Variants in ELP2 observed in about 807,000 individuals in gnomAD.
ELP2 encodes elongator acetyltransferase complex subunit 2.
ELP2 carries 90 observed loss-of-function variants against 119.2 expected under a neutral mutation model. The observed-to-expected ratio is 0.75, with a 90% CI of 0.64 to 0.90. The LOEUF (loss-of-function observed/expected upper bound fraction) is 0.90. Among genes scored for constraint, ELP2 ranks in the 40% least tolerant of loss-of-function variants. The pLI, the probability that ELP2 is intolerant of heterozygous loss-of-function variation, is 0.00. For synonymous variants in ELP2, 339 were observed against 331.0 expected (o/e 1.02, Z -0.26); for missense variants, 921 against 967.8 (o/e 0.95, Z 0.64).
At chr18:36,163,347 A>C (rs886472373) in intron 17 of ELP2, among the ~76,000 whole-genome samples, 1 of 150,888 alleles carries the variant, frequency 6.6e-6, no homozygotes, top group Non-Finnish European at 1.5e-5. Context: ...GACACTGAAC[A>C]GTTTTTTATA....
At chr18:36,149,784 C>T (rs923272910) in intron 11 of ELP2, among the ~76,000 whole-genome samples, 1 of 152,020 alleles carries the variant, frequency 6.6e-6, no homozygotes, top group Non-Finnish European at 1.5e-5. Context: ...TGTGAGTACA[C>T]ACTCATGAAG....
At chr18:36,155,410 A>G (rs571477322) in intron 12 of ELP2, among the ~76,000 whole-genome samples, 3 of 152,304 alleles carry the variant, frequency 2.0e-5, no homozygotes, top group African/African-American at 4.8e-5. Flanking sequence ...GAAAATGCAA[A>G]TTAGAACCAT....
At chr18:36,158,020 C>G (rs1162049515) in intron 13 of ELP2, among the ~76,000 whole-genome samples, 1 of 152,156 alleles carries the variant, frequency 6.6e-6, no homozygotes, top group Non-Finnish European at 1.5e-5. Flanking sequence ...TTGGGTTTTG[C>G]TCCCATACTA....
intron 4 of ELP2, 95 bp from the exon 5 acceptor site, chr18:36,138,700 C>T (rs913269199): frequency 1.0e-4 from 113 of 1,085,616 alleles, no homozygotes; most frequent in Non-Finnish European, 4.0e-5. Context: ...CATCTCCCTT[C>T]TGCTACCTGG....
chr18:36,164,552 C>T lies in ELP2; in HGVS notation c.1839C>T (p.His613=), dbSNP rs752771696. ...SWKQVQNLVF[H]SLTVTQMAFS... is the part of the protein sequence containing the mutation. ...AACAGGTGCAGAATTTAGTTTTCCA[C>T]AGTTTGACAGTCACGCAGATGGCCT... The change falls in exon 18 of 22, where the codon CAC becomes CAT. Residue 613 remains histidine, a synonymous_variant. Coordinates refer to ENST00000358232, the MANE Select transcript of ELP2 (RefSeq NM_018255.4). 6.2e-7 allele frequency: 1 copy of T among 1,614,076 alleles called. No individual in the cohort carries two copies. The highest frequency in any genetic ancestry group is 1.7e-5 in the Admixed American group (1 of 60,014).
At chr18:36,132,522 CAGAT>C (rs1412676298) in intron 1 of ELP2, among the ~76,000 whole-genome samples, 2 of 152,140 alleles carry the variant, frequency 1.3e-5, no homozygotes, top group Non-Finnish European at 2.9e-5. Context: ...CCGTTGACAA[CAGAT>C]AGAGAAAGGG....
At chr18:36,142,151 T>G in intron 6 of ELP2, 130 bp from the exon 7 acceptor site, 1 of 778,530 alleles carries the variant, frequency 1.3e-6, no homozygotes, top group South Asian at 1.4e-5. Context: ...GAATGCTTTT[T>G]CTTGTCTAAT....
In ELP2 at chr18:36,130,032, C is replaced by T. The variant is rs756911569; in HGVS notation, c.99C>T (p.Ala33=). 3.7e-6 allele frequency: 6 copies of T among 1,614,056 alleles called. No homozygotes were observed. Among genetic ancestry groups the T allele is most frequent in the African/African-American group, 1.3e-5 (1 of 74,922 alleles). ...GCTCTGGGCCCAGAGGACTTCTGGC[C>T]TTTGGCACGTCCTGCTCCGTGGTGC... ...NWSSGPRGLL[A]FGTSCSVVLY... Residue 33 remains alanine (A), a synonymous_variant, in exon 1 of 22, where the codon GCC becomes GCT. Transcript: ENST00000358232.
chr18:36,180,478 C>G lies in ELP2; in HGVS notation c.*5837C>G. 6.6e-6 allele frequency: 1 copy of G among 152,216 alleles called. No individual in the cohort carries two copies. The highest frequency in any genetic ancestry group is 3.4e-3 in the Middle Eastern group (1 of 294). 9.4% of individuals were successfully genotyped at this position (152,216 alleles called of 1,614,324 possible). A position where few individuals can be genotyped will look rare whatever the true frequency, so the allele number is the denominator to read the frequency against. On this transcript the variant is annotated 3_prime_UTR_variant, in exon 22 of 22. Transcript: ENST00000358232. ...AATATATGAAAAACACTAGTTTGGT[C>G]CCTGGGATATAAATAAGACAGCAGT... is the stretch of plus-strand genomic sequence containing the variant.
At chr18:36,138,919 A>C in intron 5 of ELP2, 47 bp downstream of exon 5, 6 of 1,371,392 alleles carry the variant, frequency 4.4e-6, no homozygotes, top group Non-Finnish European at 6.2e-6. Context: ...ATATTTGCAT[A>C]CTGTCATATG....
intron 11 of ELP2, among the ~76,000 whole-genome samples, chr18:36,150,064 C>T (rs1567996809): frequency 6.6e-6 from 1 of 152,124 alleles, no homozygotes; most frequent in South Asian, 2.1e-4. Context: ...ACTACACAGT[C>T]AGTTTCAGTT....
At chr18:36,135,523 T>C (rs1188887157) in intron 2 of ELP2, among the ~76,000 whole-genome samples, 1 of 152,224 alleles carries the variant, frequency 6.6e-6, no homozygotes, top group East Asian at 1.9e-4. Flanking sequence ...GTCCAGCTGC[T>C]TCCCTGAAAC....
At chr18:36,153,128 T>C (rs1481343143) in intron 11 of ELP2, among the ~76,000 whole-genome samples, 1 of 152,262 alleles carries the variant, frequency 6.6e-6, no homozygotes, top group East Asian at 1.9e-4. Context: ...TTAGCCATTA[T>C]AGATAACAGT....
chr18:36,150,658 A>G (rs186265432), intron 11 of ELP2, among the ~76,000 whole-genome samples: 6 of 152,322 alleles, frequency 3.9e-5, no homozygotes, highest in African/African-American at 1.2e-4. Flanking sequence ...CCAGCACTCT[A>G]GCTTCTACCC....
At chr18:36,143,250 G>T (rs1204296927) in intron 8 of ELP2, among the ~76,000 whole-genome samples, 2 of 151,846 alleles carry the variant, frequency 1.3e-5, no homozygotes, top group East Asian at 3.9e-4. Flanking sequence ...CTTCCAAGTA[G>T]CTGGGATTAC....
Position 36,130,080 on chromosome 18 carries a change from G to C in ELP2, c.138+9G>C, listed in dbSNP as rs1436701537. The C allele has an allele frequency of 6.2e-7, 1 of 1,614,158 alleles. No individual in the cohort carries two copies. The highest frequency in any genetic ancestry group is 8.5e-7 in the Non-Finnish European group (1 of 1,180,032). ...TGCTCTATGACCCCCTGGTAAGAGA[G>C]GTCGCTGGACGGCCGACCCTTGTGC... On this transcript the variant is annotated intron_variant, in intron 1 of 21. Coordinates refer to ENST00000358232, the MANE Select transcript of ELP2 (RefSeq NM_018255.4).
chr18:36,136,421 A>G (rs760070699), intron 3 of ELP2, 44 bp downstream of exon 3: 4 of 1,505,136 alleles, frequency 2.7e-6, no homozygotes, highest in African/African-American at 1.4e-5. Flanking sequence ...TTTTTTGTTC[A>G]TTTGTTTTTT....
At chr18:36,133,152 G>A (rs937752286) in intron 1 of ELP2, 86 bp from the exon 2 acceptor site, 13 of 937,532 alleles carry the variant, frequency 1.4e-5, no homozygotes, top group Non-Finnish European at 1.9e-5. Flanking sequence ...TACTAGCATC[G>A]AAAACACTGA....
chr18:36,133,160 T>C, intron 1 of ELP2, 78 bp from the exon 2 acceptor site: 1 of 999,670 alleles, frequency 1.0e-6, no homozygotes, highest in Non-Finnish European at 1.6e-6. Flanking sequence ...TCGAAAACAC[T>C]GAAATCTGTT....
Sources: allele counts gnomAD v4.1 joint callset (sites outside exome capture counted in the v4.1 genomes callset), GRCh38; gene constraint gnomAD v4.1.1; transcripts MANE v1.5; gene names NCBI Gene and HGNC (gene_info 2026-07-23, HGNC 2026-07-21).